Variants in RNF169 observed in about 807,000 individuals in gnomAD.
RNF169 encodes the protein E3 ubiquitin-protein ligase RNF169.
A neutral mutation model predicts 53.9 loss-of-function variants in RNF169; 24 were observed. The observed-to-expected ratio is 0.45, with a 90% CI of 0.32 to 0.63. The LOEUF (loss-of-function observed/expected upper bound fraction) is 0.63, where lower values mean the gene tolerates loss of function less well. Ranked by LOEUF, RNF169 falls within the 20% of genes least tolerant of loss-of-function variation. The pLI is 0.04. For missense variants in RNF169, 883 were observed against 906.2 expected (o/e 0.97, Z 0.33); for synonymous variants, 396 against 363.5 (o/e 1.09, Z -1.02).
chr11:74,829,923 G>A (rs1435688114), intron 4 of RNF169, among the ~76,000 whole-genome samples: 1 of 152,140 alleles, frequency 6.6e-6, no homozygotes, highest in African/African-American at 2.4e-5. Flanking sequence ...ATACCTAGGT[G>A]ATGGGATGAT....
rs548573929 is a variant in RNF169 at position 74,838,186 on chromosome 11, T to C, written c.*1456T>C. On this transcript the variant is annotated 3_prime_UTR_variant, in exon 6 of 6. Transcript: ENST00000299563. ...GGAAGGGACCTTAATGGTTATCTAT[T>C]CCAGCCTCCTCCTAAGGTCCTCCTC... 1 of 152,348 alleles carries C rather than the reference T, an allele frequency of 6.6e-6. No homozygotes were observed. Among genetic ancestry groups the C allele is most frequent in the African/African-American group, 2.4e-5 (1 of 41,578 alleles). The allele number at this position is 152,348 out of a possible 1,614,324, so 9.4% of individuals were successfully genotyped here. A position where few individuals can be genotyped will look rare whatever the true frequency, so the allele number is the denominator to read the frequency against.
At chr11:74,750,865 G>GTTTTTTT (rs35173529) in intron 1 of RNF169, among the ~76,000 whole-genome samples, 5 of 60,128 alleles carry the variant, frequency 8.3e-5, no homozygotes, top group African/African-American at 3.5e-4. Context: ...GCCTCCCAAG[G>GTTTTTTT]TTTTTTTTTT....
At chr11:74,830,482 A>G (rs1367481876) in intron 4 of RNF169, 2 of 152,078 alleles carry the variant, frequency 1.3e-5, no homozygotes, top group African/African-American at 4.8e-5. Context: ...AGAAACTCGT[A>G]AAGTACCTGA....
intron 2 of RNF169, among the ~76,000 whole-genome samples, chr11:74,796,715 A>T (rs2035654575): frequency 6.6e-6 from 1 of 152,104 alleles, no homozygotes; most frequent in Non-Finnish European, 1.5e-5. Context: ...TTGCTTCTAG[A>T]CTATTCATTT....
At chr11:74,805,353 G>A (rs1228512045) in intron 2 of RNF169, among the ~76,000 whole-genome samples, 1 of 152,122 alleles carries the variant, frequency 6.6e-6, no homozygotes, top group Non-Finnish European at 1.5e-5. Flanking sequence ...TGGTAGCCTG[G>A]GGCTAAGTGG....
chr11:74,762,789 A>G (rs2035109179), intron 1 of RNF169, among the ~76,000 whole-genome samples: 1 of 152,234 alleles, frequency 6.6e-6, no homozygotes. Context: ...TACAGGAAAG[A>G]TAGGAAAATC....
intron 1 of RNF169, among the ~76,000 whole-genome samples, chr11:74,785,499 A>C (rs1051745888): frequency 6.6e-6 from 1 of 151,180 alleles, no homozygotes; most frequent in Non-Finnish European, 1.5e-5. Flanking sequence ...TACAGCTAAG[A>C]TAGAACGTAG....
Position 74,749,205 on chromosome 11 carries a change from C to T in RNF169, c.325C>T (p.Arg109Cys). The stretch of plus-strand genomic sequence containing the variant: ...CCCGGGTTGCCCTCGCTGCCGCGCC[C>T]GCGGCCCAGGCTGGGCCCGCCGTCG... ...AGPGCPRCRARGPGWARRRAR... is the reference protein window; with the variant it reads ...AGPGCPRCRACGPGWARRRAR... The change falls in exon 1 of 6, where the codon CGC (arginine) becomes TGC (cysteine). Residue 109 changes from arginine to cysteine, a missense_variant. By Grantham distance (180) the Arg-to-Cys change is radical. This residue lies in a region of RNF169 where 313 missense variants were observed against 279.9 expected (regional missense o/e 1.12). Transcript: ENST00000299563. 5.3e-6 allele frequency: 6 copies of T among 1,121,984 alleles called. No individual in the cohort carries two copies. The highest frequency in any genetic ancestry group is 6.5e-6 in the Non-Finnish European group (6 of 920,410). 69.5% of individuals were successfully genotyped at this position (1,121,984 alleles called of 1,614,324 possible). A position where few individuals can be genotyped will look rare whatever the true frequency, so the allele number is the denominator to read the frequency against.
rs182839314 is a variant in RNF169, at chr11:74,816,781, G to A, written c.724-815G>A. On this transcript the variant is annotated intron_variant, in intron 3 of 5. Coordinates refer to ENST00000299563, the MANE Select transcript of RNF169 (RefSeq NM_001098638.2). The stretch of plus-strand genomic sequence containing the variant: ...TGTACTAGAGCTCAGGGAGTTCCAT[G>A]TGTGGGAACTGGTAGGGGAAAAGCT... Among the ~76,000 whole-genome samples, 186 of 152,348 alleles carry A rather than the reference G, an allele frequency of 1.2e-3. 1 individual carries two copies. The highest frequency in any genetic ancestry group is 4.3e-3 in the African/African-American group (178 of 41,586).
chr11:74,806,500 G>A (rs944576873), intron 2 of RNF169, among the ~76,000 whole-genome samples: 1 of 152,046 alleles, frequency 6.6e-6, no homozygotes, highest in Non-Finnish European at 1.5e-5. Context: ...TACATATTCC[G>A]TAATATTTTT....
At chr11:74,826,511 C>T (rs1454507678) in intron 4 of RNF169, among the ~76,000 whole-genome samples, 11 of 144,872 alleles carry the variant, frequency 7.6e-5, no homozygotes, top group Admixed American at 6.9e-5. Flanking sequence ...CCATTCCACC[C>T]CTGGCCCCTC....
At chr11:74,788,775 CT>C (rs890197249) in intron 1 of RNF169, among the ~76,000 whole-genome samples, 22 of 152,160 alleles carry the variant, frequency 1.4e-4, no homozygotes, top group African/African-American at 4.3e-4. Context: ...TTAATTTTTG[CT>C]GTGTTGTAGG....
chr11:74,763,800 A>G (rs1463625023), intron 1 of RNF169, among the ~76,000 whole-genome samples: 2 of 152,196 alleles, frequency 1.3e-5, no homozygotes, highest in African/African-American at 4.8e-5. Context: ...GAATTAGTAA[A>G]AAGTCCTGAA....
Position 74,758,713 on chromosome 11 carries a change from C to T in RNF169, c.502+9331C>T, listed in dbSNP as rs559266433. On this transcript the variant is annotated intron_variant, in intron 1 of 5. Transcript: ENST00000299563. ...TAGAGACGGGGTTTCACTGTTTTAG[C>T]GGGGATGGTCTCGATCTCCTGACCT... Among the ~76,000 whole-genome samples the T allele has an allele frequency of 9.9e-5, 15 of 152,174 alleles. No individual in the cohort carries two copies. In the South Asian group the frequency reaches 1.7e-3, roughly 17 times the overall value.
intron 4 of RNF169, among the ~76,000 whole-genome samples, chr11:74,827,364 A>G (rs2036114195): frequency 6.6e-6 from 1 of 152,118 alleles, no homozygotes; most frequent in Admixed American, 6.5e-5. Flanking sequence ...TTCTCCTCCT[A>G]GCTTTCTGGG....
At chr11:74,801,859 A>G (rs917718530) in intron 2 of RNF169, among the ~76,000 whole-genome samples, 3 of 152,238 alleles carry the variant, frequency 2.0e-5, no homozygotes, top group Admixed American at 1.3e-4. Context: ...ATTAACTTAA[A>G]GATTCCCATT....
intron 4 of RNF169, chr11:74,831,402 C>A (rs1051983156): frequency 2.0e-5 from 3 of 152,054 alleles, no homozygotes; most frequent in African/African-American, 7.2e-5. Context: ...ACAATAGCAT[C>A]AAAAAATAGA....
intron 1 of RNF169, among the ~76,000 whole-genome samples, chr11:74,763,673 T>A (rs927034019): frequency 2.0e-5 from 3 of 150,234 alleles, no homozygotes; most frequent in Non-Finnish European, 4.4e-5. Flanking sequence ...TGAAAGAAGG[T>A]GAAGAAAAAG....
chr11:74,778,117 T>C (rs1300393478), intron 1 of RNF169, among the ~76,000 whole-genome samples: 3 of 152,214 alleles, frequency 2.0e-5, no homozygotes, highest in African/African-American at 7.2e-5. Flanking sequence ...TTCTGTGACA[T>C]TGCATCTGTC....
Sources: allele counts gnomAD v4.1 joint callset (sites outside exome capture counted in the v4.1 genomes callset), GRCh38; gene constraint gnomAD v4.1.1; regional missense constraint gnomAD v4.1.1; transcripts MANE v1.5; gene names NCBI Gene and HGNC (gene_info 2026-07-23, HGNC 2026-07-21).